The following ASTN2 variants were observed in gnomAD, a reference collection of about 807,000 sequenced individuals.
The protein encoded by ASTN2 is astrotactin-2.
ASTN2 carries 54 observed loss-of-function variants against 139.8 expected under a neutral mutation model. The ratio of observed to expected loss-of-function variants is 0.39; its 90% confidence interval spans 0.31 to 0.48. The LOEUF (loss-of-function observed/expected upper bound fraction) is 0.48, where lower values mean the gene tolerates loss of function less well. Ranked by LOEUF, ASTN2 falls within the 20% of genes least tolerant of loss-of-function variation. ASTN2 has a pLI of 0.95. For synonymous variants in ASTN2, 756 were observed against 719.5 expected, an observed-to-expected ratio of 1.05 and a Z score of -0.81; for missense variants, 1,565 against 1,725.1, an observed-to-expected ratio of 0.91 and a Z score of 1.64.
chr9:116,701,896 T>TTTG, intron 16 of ASTN2, among the ~76,000 whole-genome samples: 1 of 147,144 alleles, frequency 6.8e-6, no homozygotes, highest in South Asian at 2.2e-4. Flanking sequence ...TTTTTTTTTT[T>TTTG]GCTTTGTTTT....
At chr9:116,779,540 C>T (rs1467171449) in intron 13 of ASTN2, among the ~76,000 whole-genome samples, 1 of 151,942 alleles carries the variant, frequency 6.6e-6, no homozygotes, top group African/African-American at 2.4e-5. Context: ...CTCCCTACAT[C>T]ACCTGTTTCC....
At chr9:117,240,931 C>A (rs547833258) in intron 2 of ASTN2, among the ~76,000 whole-genome samples, 1 of 152,310 alleles carries the variant, frequency 6.6e-6, no homozygotes, top group African/African-American at 2.4e-5. Flanking sequence ...AAGGCTCACA[C>A]TCTCTCAATG....
At chr9:117,282,194 GTC>G (rs1171474504) in intron 2 of ASTN2, among the ~76,000 whole-genome samples, 1 of 151,742 alleles carries the variant, frequency 6.6e-6, no homozygotes, top group Non-Finnish European at 1.5e-5. Flanking sequence ...ATTTCTCTCC[GTC>G]TCTAGTAATT....
intron 22 of ASTN2, among the ~76,000 whole-genome samples, chr9:116,439,404 T>G (rs945025270): frequency 6.8e-6 from 1 of 147,916 alleles, no homozygotes; most frequent in African/African-American, 2.5e-5. Context: ...GTTTCACCGT[T>G]TTAGCCGGGA....
At chr9:116,759,291 T>C (rs1388341837) in intron 13 of ASTN2, among the ~76,000 whole-genome samples, 1 of 152,174 alleles carries the variant, frequency 6.6e-6, no homozygotes, top group Non-Finnish European at 1.5e-5. Context: ...GAGAAATGAT[T>C]TCCTAGACCT....
At chr9:117,105,973 A>G (rs1271446398) in intron 4 of ASTN2, among the ~76,000 whole-genome samples, 2 of 152,214 alleles carry the variant, frequency 1.3e-5, no homozygotes, top group Admixed American at 6.5e-5. Context: ...AAGGTCCCAT[A>G]GCTCATAAAT....
chr9:117,378,830 G>T (rs1195672606), intron 1 of ASTN2, among the ~76,000 whole-genome samples: 2 of 152,208 alleles, frequency 1.3e-5, no homozygotes, highest in African/African-American at 4.8e-5. Flanking sequence ...GTAATCCTCA[G>T]TGTTGGAGGT....
intron 16 of ASTN2, among the ~76,000 whole-genome samples, chr9:116,702,215 G>A (rs563487276): frequency 1.3e-5 from 2 of 151,744 alleles, no homozygotes; most frequent in African/African-American, 4.8e-5. Context: ...CTCCTAGAAG[G>A]GTATGAGATA....
At chr9:117,100,814 T>C (rs903909246) in intron 4 of ASTN2, among the ~76,000 whole-genome samples, 4 of 152,262 alleles carry the variant, frequency 2.6e-5, no homozygotes, top group South Asian at 2.1e-4. Flanking sequence ...CTATGGTCCC[T>C]ACTCTCAAGG....
chr9:117,010,752 G>A lies in ASTN2; in HGVS notation c.1424-2493C>T, dbSNP rs116604206. ...TAAGAGGATGAGCAAAGTGGGATTG[G>A]GCAAAAGGAGAGGTCAAACTGACAT... is the stretch of plus-strand genomic sequence containing the variant. On this transcript the variant is annotated intron_variant, in intron 6 of 22. Coordinates refer to ENST00000313400, the MANE Select transcript of ASTN2 (RefSeq NM_001365068.1). Among the ~76,000 whole-genome samples the A allele has an allele frequency of 3.2e-3, 486 of 152,266 alleles. 1 individual carries two copies. The highest frequency in any genetic ancestry group is 0.011 in the African/African-American group (447 of 41,556).
At chr9:116,820,999 T>C (rs1009099304) in intron 11 of ASTN2, among the ~76,000 whole-genome samples, 1 of 151,956 alleles carries the variant, frequency 6.6e-6, no homozygotes, top group African/African-American at 2.4e-5. Flanking sequence ...TTTGTGACTA[T>C]CTGCTTATAG....
chr9:116,459,314 G>A (rs181101560), intron 20 of ASTN2, among the ~76,000 whole-genome samples: 151 of 152,078 alleles, frequency 9.9e-4, no homozygotes, highest in African/African-American at 3.5e-3. Context: ...ACTGTAAGAA[G>A]AAGACATAAG....
chr9:117,014,051 A>G (rs2086529008), intron 6 of ASTN2, among the ~76,000 whole-genome samples: 1 of 152,150 alleles, frequency 6.6e-6, no homozygotes, highest in Non-Finnish European at 1.5e-5. Context: ...TCTTTGGGTA[A>G]AAATAATTAA....
At chr9:117,218,187 AC>A (rs1349259518) in intron 2 of ASTN2, among the ~76,000 whole-genome samples, 2 of 152,024 alleles carry the variant, frequency 1.3e-5, no homozygotes, top group East Asian at 3.9e-4. Flanking sequence ...TGGCAGAGGG[AC>A]CCCCTGGTTT....
intron 1 of ASTN2, among the ~76,000 whole-genome samples, chr9:117,343,299 T>C (rs143455996): frequency 7.1e-4 from 108 of 152,328 alleles, no homozygotes; most frequent in African/African-American, 2.6e-3. Context: ...AATTTTATAG[T>C]TACTTTTGTT....
intron 3 of ASTN2, among the ~76,000 whole-genome samples, chr9:117,201,579 C>T (rs1334846329): frequency 6.6e-6 from 1 of 152,120 alleles, no homozygotes; most frequent in East Asian, 1.9e-4. Context: ...TTGATTTCTG[C>T]CTTAATTTCA....
intron 3 of ASTN2, among the ~76,000 whole-genome samples, chr9:117,173,932 GCTCT>G (rs143040929): frequency 0.019 from 2,813 of 151,408 alleles, 87 homozygotes; most frequent in African/African-American, 0.065. Context: ...ACTACGTCTT[GCTCT>G]CTCTCCTTTA....
intron 19 of ASTN2, among the ~76,000 whole-genome samples, chr9:116,510,812 T>C (rs929763868): frequency 2.0e-5 from 3 of 152,174 alleles, no homozygotes; most frequent in African/African-American, 4.8e-5. Context: ...TTGTCTGTTA[T>C]TGGTGTATAA....
At chr9:117,306,583 A>G (rs758753540) in intron 1 of ASTN2, among the ~76,000 whole-genome samples, 5 of 152,200 alleles carry the variant, frequency 3.3e-5, no homozygotes, top group African/African-American at 4.8e-5. Flanking sequence ...AGGATTTACT[A>G]AAGAATGCTG....
Sources: gnomAD v4.1 joint callset for allele counts (sites outside exome capture counted in the v4.1 genomes callset) on GRCh38, gnomAD v4.1.1 for gene constraint, MANE v1.5 for transcripts, NCBI Gene and HGNC (gene_info 2026-07-23, HGNC 2026-07-21) for gene names.